S100Z: variants seen among roughly 807,000 people sequenced by gnomAD.
S100Z encodes the protein protein S100-Z.
A neutral mutation model predicts 8.5 loss-of-function variants in S100Z; 11 were observed. That is an observed-to-expected ratio of 1.30 (90% CI 0.82 to 2.15). The LOEUF (loss-of-function observed/expected upper bound fraction) is 2.15. Among genes scored for constraint, S100Z ranks in the 30% most tolerant of loss-of-function variants. S100Z has a pLI of 0.00. For synonymous variants in S100Z, 34 were observed against 43.8 expected, an observed-to-expected ratio of 0.78 and a Z score of 0.89; for missense variants, 126 against 117.9, an observed-to-expected ratio of 1.07 and a Z score of -0.32.
At chr5:76,935,131 C>G in the S100Z span, among the ~76,000 whole-genome samples, 6 of 152,086 alleles carry the variant, frequency 3.9e-5, no homozygotes. Context: ...AAGAAAGACA[C>G]AAATGGTGAT....
At chr5:76,951,076 C>T in the S100Z span, among the ~76,000 whole-genome samples, 10 of 151,544 alleles carry the variant, frequency 6.6e-5, no homozygotes, top group African/African-American at 1.2e-4. Flanking sequence ...AGATATTTAC[C>T]AAACTGGTGA....
At chr5:76,906,972 G>GTATATA (rs1744447479) in intron 4 of S100Z, among the ~76,000 whole-genome samples, 2 of 30,410 alleles carry the variant, frequency 6.6e-5, no homozygotes, top group African/African-American at 2.5e-4. Flanking sequence ...TCCATTGTGT[G>GTATATA]TGTGTATATA....
intron 1 of S100Z, among the ~76,000 whole-genome samples, chr5:76,858,964 A>T (rs1750967694): frequency 6.6e-6 from 1 of 152,138 alleles, no homozygotes; most frequent in Non-Finnish European, 1.5e-5. Flanking sequence ...TACAAAAAAA[A>T]TTAGCCAGGC....
intron 4 of S100Z, among the ~76,000 whole-genome samples, chr5:76,908,624 C>T (rs1007437708): frequency 3.3e-5 from 5 of 152,200 alleles, no homozygotes; most frequent in African/African-American, 7.2e-5. Flanking sequence ...TCAGATCCCT[C>T]CTCAGACAAG....
chr5:76,914,361 C>T, intron 4 of S100Z, among the ~76,000 whole-genome samples: 1 of 150,772 alleles, frequency 6.6e-6, no homozygotes, highest in East Asian at 1.9e-4. Context: ...CTGTGTCTAG[C>T]TAAAAGGTTT....
chr5:76,892,286 G>A (rs182330628), intron 4 of S100Z, among the ~76,000 whole-genome samples: 75 of 152,248 alleles, frequency 4.9e-4, no homozygotes, highest in African/African-American at 1.8e-3. Context: ...TGGTATGGTT[G>A]TAGACCATCC....
intron 4 of S100Z, among the ~76,000 whole-genome samples, chr5:76,915,088 G>A (rs563044825): frequency 2.6e-5 from 4 of 151,570 alleles, no homozygotes; most frequent in Non-Finnish European, 2.9e-5. Flanking sequence ...GGTGGATCAC[G>A]AGGTTAGGAG....
rs1484524767 is a variant in S100Z at position 76,875,385 on chromosome 5, T to C, written c.26T>C (p.Met9Thr). The C allele has an allele frequency of 1.9e-6, 3 of 1,612,834 alleles. No individual in the cohort carries two copies. Among genetic ancestry groups the C allele is most frequent in the African/African-American group, 1.3e-5 (1 of 74,888 alleles). Residue 9 changes from methionine to threonine, a missense_variant, in exon 3 of 5, where the codon ATG becomes ACG. Physicochemically the swap from Met to Thr is moderately conservative, Grantham distance 81. Transcript: ENST00000317593. ...ATGCCCACCCAGCTCGAGATGGCCATGGACACCATGATTAGAATCTTCCAC... is the reference window on the plus strand; with the variant it reads ...ATGCCCACCCAGCTCGAGATGGCCACGGACACCATGATTAGAATCTTCCAC... MPTQLEMA[M>T]DTMIRIFHRY... is the part of the protein sequence containing the mutation.
intron 4 of S100Z, among the ~76,000 whole-genome samples, chr5:76,884,138 G>A (rs1026661789): frequency 5.9e-5 from 9 of 152,168 alleles, no homozygotes; most frequent in South Asian, 2.1e-4. Context: ...AGATTAAGAC[G>A]GCCTTCTGGC....
At chr5:76,900,186 T>C (rs1744181232) in intron 4 of S100Z, among the ~76,000 whole-genome samples, 1 of 152,230 alleles carries the variant, frequency 6.6e-6, no homozygotes, top group Non-Finnish European at 1.5e-5. Context: ...CTTTGGGAGT[T>C]TGATTATCAA....
At chr5:76,858,814 T>C (rs1343194621) in intron 1 of S100Z, among the ~76,000 whole-genome samples, 22 of 152,082 alleles carry the variant, frequency 1.4e-4, no homozygotes. Flanking sequence ...ATACACAGAC[T>C]ATAAAATAAT....
chr5:76,882,147 G>C (rs1181121293), intron 4 of S100Z, among the ~76,000 whole-genome samples: 1 of 152,178 alleles, frequency 6.6e-6, no homozygotes, highest in African/African-American at 2.4e-5. Context: ...TATGCGTCAG[G>C]TGTGAGGAAG....
At chr5:76,891,330 T>A (rs1479590154) in intron 4 of S100Z, among the ~76,000 whole-genome samples, 1 of 152,222 alleles carries the variant, frequency 6.6e-6, no homozygotes, top group Non-Finnish European at 1.5e-5. Flanking sequence ...CAGATTCCAA[T>A]TCAATTAGTC....
At chr5:76,925,934 T>C (rs1745130640), downstream of S100Z, among the ~76,000 whole-genome samples, 1 of 152,110 alleles carries the variant, frequency 6.6e-6, no homozygotes. Flanking sequence ...GTCAATGCAT[T>C]CCAGCCTGGG....
At chr5:76,864,609 G>T (rs1240435319) in intron 1 of S100Z, among the ~76,000 whole-genome samples, 3 of 151,946 alleles carry the variant, frequency 2.0e-5, no homozygotes, top group East Asian at 1.9e-4. Context: ...TTGCCATGTT[G>T]CCTAGGCTGG....
chr5:76,910,707 C>A (rs1180602509), intron 4 of S100Z, among the ~76,000 whole-genome samples: 4 of 152,172 alleles, frequency 2.6e-5, no homozygotes, highest in Non-Finnish European at 5.9e-5. Flanking sequence ...GGGCAAGCGC[C>A]AGCTCATGTC....
chr5:76,880,519 A>T (rs1017045909), intron 4 of S100Z, among the ~76,000 whole-genome samples: 6 of 152,150 alleles, frequency 3.9e-5, no homozygotes, highest in Non-Finnish European at 8.8e-5. Flanking sequence ...ATTTTGTGGT[A>T]AGGGGTGATA....
intron 1 of S100Z, among the ~76,000 whole-genome samples, 178 bp downstream of exon 1, chr5:76,850,333 G>GCAGAGA (rs146055376): frequency 4.1e-5 from 5 of 122,596 alleles, no homozygotes; most frequent in Non-Finnish European, 6.7e-5. Context: ...CGGGGGGGTG[G>GCAGAGA]GGGAGAGAGA....
the S100Z span, among the ~76,000 whole-genome samples, chr5:76,947,100 G>GT: frequency 6.6e-6 from 1 of 152,220 alleles, no homozygotes; most frequent in Non-Finnish European, 1.5e-5. Flanking sequence ...TTGGTGGCCT[G>GT]TTTACCAGCA....
Sources: allele counts gnomAD v4.1 joint callset (sites outside exome capture counted in the v4.1 genomes callset), GRCh38; gene constraint gnomAD v4.1.1; transcripts MANE v1.5; gene names NCBI Gene and HGNC (gene_info 2026-07-23, HGNC 2026-07-21).